The following WBP1L variants were observed in gnomAD, a reference collection of about 807,000 sequenced individuals.
WBP1L encodes WW domain binding protein 1 like, also known as WW domain binding protein 1-like.
Under a neutral mutation model 33.7 loss-of-function variants are expected in WBP1L, and 17 were observed. The observed-to-expected ratio is 0.50, with a 90% CI of 0.34 to 0.76. The LOEUF is 0.76. WBP1L is among the 30% of genes least tolerant of loss of function. The pLI is 0.01. For synonymous variants in WBP1L, 173 were observed against 190.8 expected (o/e 0.91, Z 0.77); for missense variants, 389 against 469.4 (o/e 0.83, Z 1.58).
At chr10:102,790,832 A>G (rs79281446) in intron 1 of WBP1L, among the ~76,000 whole-genome samples, 2,675 of 152,162 alleles carry the variant, frequency 0.018, 47 homozygotes, top group East Asian at 0.065. Context: ...ATGTGTAGGA[A>G]TCCTTTGTGC....
chr10:102,753,444 A>G (rs1404463165), intron 1 of WBP1L, among the ~76,000 whole-genome samples: 2 of 152,222 alleles, frequency 1.3e-5, no homozygotes, highest in Non-Finnish European at 2.9e-5. Flanking sequence ...GAAGGGGGAA[A>G]CAAATCCCAT....
chr10:102,754,306 A>G (rs1842950118), intron 1 of WBP1L, among the ~76,000 whole-genome samples: 1 of 152,214 alleles, frequency 6.6e-6, no homozygotes, highest in South Asian at 2.1e-4. Context: ...GGTAAGGAGC[A>G]TAAAACCTAC....
intron 1 of WBP1L, among the ~76,000 whole-genome samples, chr10:102,756,734 G>A (rs562671259): frequency 2.0e-5 from 3 of 152,154 alleles, no homozygotes; most frequent in Admixed American, 6.5e-5. Context: ...ATAGTGCCAC[G>A]TTGTTCTCCG....
chr10:102,763,524 AG>A (rs1843069938), intron 1 of WBP1L, among the ~76,000 whole-genome samples: 1 of 152,194 alleles, frequency 6.6e-6, no homozygotes, highest in South Asian at 2.1e-4. Flanking sequence ...TAATGAGACT[AG>A]GTGCTAGCAT....
chr10:102,786,279 A>G (rs1288945005), intron 1 of WBP1L, among the ~76,000 whole-genome samples: 1 of 152,206 alleles, frequency 6.6e-6, no homozygotes, highest in African/African-American at 2.4e-5. Context: ...CCTTGATTCT[A>G]TGTAGGTACT....
intron 1 of WBP1L, among the ~76,000 whole-genome samples, chr10:102,779,416 G>C (rs1843308267): frequency 6.6e-6 from 1 of 151,318 alleles, no homozygotes; most frequent in East Asian, 2.0e-4. Context: ...TCCTGCCTCA[G>C]CCTCCCAGGT....
At chr10:102,755,969 C>T (rs1036259684) in intron 1 of WBP1L, among the ~76,000 whole-genome samples, 8 of 151,712 alleles carry the variant, frequency 5.3e-5, no homozygotes, top group South Asian at 2.1e-4. Context: ...GGCATGAACC[C>T]GGGAGGCAGA....
At chr10:102,808,413 A>G (rs187600784) in intron 2 of WBP1L, among the ~76,000 whole-genome samples, 2 of 152,208 alleles carry the variant, frequency 1.3e-5, no homozygotes, top group African/African-American at 2.4e-5. Context: ...AAAATTGGAG[A>G]GGAGGTCTTA....
At chr10:102,806,119 A>C (rs1843731623) in intron 2 of WBP1L, among the ~76,000 whole-genome samples, 1 of 151,648 alleles carries the variant, frequency 6.6e-6, no homozygotes, top group African/African-American at 2.4e-5. Flanking sequence ...AGGCTGAGGC[A>C]CAAGAATCAC....
chr10:102,783,273 G>A (rs147059582), intron 1 of WBP1L, among the ~76,000 whole-genome samples: 256 of 152,292 alleles, frequency 1.7e-3, no homozygotes, highest in African/African-American at 4.2e-3. Context: ...AGAGAGCCAC[G>A]GTTCATTCTC....
intron 2 of WBP1L, among the ~76,000 whole-genome samples, chr10:102,798,507 C>G (rs1438598511): frequency 1.3e-5 from 2 of 152,134 alleles, no homozygotes; most frequent in Non-Finnish European, 2.9e-5. Flanking sequence ...TCATTGCAGC[C>G]TCTGCCTCCC....
intron 1 of WBP1L, among the ~76,000 whole-genome samples, chr10:102,761,700 C>T (rs1319858955): frequency 1.3e-5 from 2 of 151,948 alleles, no homozygotes; most frequent in African/African-American, 2.4e-5. Context: ...TCGTGATACA[C>T]CCACCTCGGC....
intron 2 of WBP1L, among the ~76,000 whole-genome samples, chr10:102,806,968 G>A (rs1305745741): frequency 6.6e-6 from 1 of 152,100 alleles, no homozygotes; most frequent in East Asian, 1.9e-4. Flanking sequence ...ATTTTTACAA[G>A]TCTGTTTTGT....
At chr10:102,812,243 G>T (rs1222643230) in intron 3 of WBP1L, among the ~76,000 whole-genome samples, 1 of 152,236 alleles carries the variant, frequency 6.6e-6, no homozygotes, top group African/African-American at 2.4e-5. Context: ...CATGAGACTT[G>T]TGTGCATGTG....
At chr10:102,796,387 C>T (rs1333669267) in intron 1 of WBP1L, among the ~76,000 whole-genome samples, 1 of 152,188 alleles carries the variant, frequency 6.6e-6, no homozygotes, top group East Asian at 1.9e-4. Context: ...GGTTTTCAGT[C>T]CTGTGCTTTC....
chr10:102,762,218 A>C (rs1030736793), intron 1 of WBP1L, among the ~76,000 whole-genome samples: 13 of 152,196 alleles, frequency 8.5e-5, no homozygotes, highest in African/African-American at 3.1e-4. Flanking sequence ...AAGTAAAAAT[A>C]AATAAAAAAT....
intron 1 of WBP1L, among the ~76,000 whole-genome samples, chr10:102,791,381 AC>A (rs1391302108): frequency 6.6e-6 from 1 of 150,776 alleles, no homozygotes; most frequent in Non-Finnish European, 1.5e-5. Context: ...CTCCCCTCCC[AC>A]CCCCCGAATC....
chr10:102,807,428 A>G (rs1449741248), intron 2 of WBP1L, among the ~76,000 whole-genome samples: 12 of 152,076 alleles, frequency 7.9e-5, no homozygotes, highest in Admixed American at 6.5e-4. Flanking sequence ...GCCAGGCTGG[A>G]GTGCAGTGGC....
At chr10:102,806,489 G>T (rs900533745) in intron 2 of WBP1L, among the ~76,000 whole-genome samples, 1 of 152,090 alleles carries the variant, frequency 6.6e-6, no homozygotes, top group Admixed American at 6.6e-5. Flanking sequence ...CTTCTGCAAG[G>T]GTTCCTCTGC....
Sources: allele counts gnomAD v4.1 joint callset (sites outside exome capture counted in the v4.1 genomes callset), GRCh38; gene constraint gnomAD v4.1.1; transcripts MANE v1.5; gene names NCBI Gene and HGNC (gene_info 2026-07-23, HGNC 2026-07-21).